The following SLC1A7 variants were observed in gnomAD, a reference collection of about 807,000 sequenced individuals.
SLC1A7 encodes the protein solute carrier family 1 member 7.
Under a neutral mutation model 47.7 loss-of-function variants are expected in SLC1A7, and 40 were observed. The observed-to-expected ratio is 0.84, with a 90% CI of 0.65 to 1.09. The LOEUF (loss-of-function observed/expected upper bound fraction) is 1.09. Ranked by LOEUF, SLC1A7 falls within the 50% of genes least tolerant of loss-of-function variation. SLC1A7 has a pLI of 0.00. For missense variants in SLC1A7, 746 were observed against 769.5 expected, an observed-to-expected ratio of 0.97 and a Z score of 0.36; for synonymous variants, 323 against 325.6, an observed-to-expected ratio of 0.99 and a Z score of 0.09.
At chr1:53,115,171 G>T (rs1572330845) in intron 2 of SLC1A7, 198 bp from the exon 3 acceptor site, 2 of 606,508 alleles carry the variant, frequency 3.3e-6, no homozygotes, top group Admixed American at 2.8e-5. Flanking sequence ...CGGGGCGCAG[G>T]CCACACACAT....
rs745920449 is a variant in SLC1A7 at position 53,092,785 on chromosome 1, T to C, written c.800A>G (p.Tyr267Cys). ...VMKIVAVAVW[Y>C]FPFGIVFLIA... Reference sequence around the variant, plus strand: ...GAGGAACACAATGCCGAAGGGGAAATACCTGGGGGCGGCGGGGCAGCCAGG... The same window carrying C: ...GAGGAACACAATGCCGAAGGGGAAACACCTGGGGGCGGCGGGGCAGCCAGG... The change falls in exon 7 of 11, where the codon TAT becomes TGT. Residue 267 changes from tyrosine to cysteine, a missense_variant and splice_region_variant. Transcript: ENST00000371494. The C allele has an allele frequency of 2.0e-5, 32 of 1,606,772 alleles. No homozygotes were observed. Among genetic ancestry groups the C allele is most frequent in the African/African-American group, 4.0e-5 (3 of 74,726 alleles).
intron 7 of SLC1A7, chr1:53,091,108 G>A (rs1178902614): frequency 1.4e-6 from 1 of 693,982 alleles, no homozygotes; most frequent in African/African-American, 1.8e-5. Context: ...CCCTGGGCCA[G>A]GCTGTCTGGG....
At chr1:53,108,675 A>G in intron 3 of SLC1A7, 1 of 717,412 alleles carries the variant, frequency 1.4e-6, no homozygotes, top group Non-Finnish European at 2.6e-6. Flanking sequence ...AGCAACCTTC[A>G]TGGACCATGA....
intron 1 of SLC1A7, among the ~76,000 whole-genome samples, chr1:53,141,143 T>C (rs1040008014): frequency 1.3e-5 from 2 of 152,156 alleles, no homozygotes; most frequent in African/African-American, 4.8e-5. Flanking sequence ...TCAGCCTGCA[T>C]AGTCCAGCTG....
At position 53,135,182 on chromosome 1, in the gene SLC1A7, C is replaced by T. The variant is rs148183150; in HGVS notation, c.136-753G>A. Among the ~76,000 whole-genome samples the T allele has an allele frequency of 9.2e-5, 14 of 152,318 alleles. No individual in the cohort carries two copies. In the East Asian group the frequency reaches 2.5e-3, roughly 27 times the overall value. On this transcript the variant is annotated intron_variant, in intron 1 of 10. Transcript: ENST00000371494. The stretch of plus-strand genomic sequence containing the variant: ...CCTAGCCATGGAATAAAATCTCTCT[C>T]GTGTAGCAGATGGCAGGTGACCAGA...
chr1:53,104,737 C>T (rs1160561207), intron 4 of SLC1A7, among the ~76,000 whole-genome samples: 1 of 152,224 alleles, frequency 6.6e-6, no homozygotes. Flanking sequence ...TCAGCCACTT[C>T]CTTTGTGTCC....
intron 1 of SLC1A7, among the ~76,000 whole-genome samples, chr1:53,135,831 A>C (rs1436830120): frequency 6.6e-6 from 1 of 152,222 alleles, no homozygotes; most frequent in Non-Finnish European, 1.5e-5. Flanking sequence ...TGGGCGAGGC[A>C]GGCAAATGGA....
intron 2 of SLC1A7, among the ~76,000 whole-genome samples, chr1:53,122,887 C>T (rs557840687): frequency 7.9e-5 from 12 of 152,174 alleles, no homozygotes; most frequent in Non-Finnish European, 1.6e-4. Flanking sequence ...ATGGACCAAA[C>T]CTCTTGGCCT....
chr1:53,096,255 A>G (rs1353721335), intron 5 of SLC1A7, among the ~76,000 whole-genome samples: 1 of 116,852 alleles, frequency 8.6e-6, no homozygotes, highest in Non-Finnish European at 1.8e-5. Context: ...CACTCAAACC[A>G]TGCATCTGTA....
At chr1:53,099,689 C>T (rs1019954453) in intron 5 of SLC1A7, among the ~76,000 whole-genome samples, 1 of 151,056 alleles carries the variant, frequency 6.6e-6, no homozygotes, top group South Asian at 2.1e-4. Context: ...ACTCACACTG[C>T]CTCGGTACAC....
chr1:53,109,221 C>A (rs1405361996), intron 3 of SLC1A7, among the ~76,000 whole-genome samples: 1 of 152,048 alleles, frequency 6.6e-6, no homozygotes, highest in Non-Finnish European at 1.5e-5. Flanking sequence ...CCAAACCAAG[C>A]CCTAAAGGTG....
At chr1:53,097,988 C>T (rs1458300565) in intron 5 of SLC1A7, among the ~76,000 whole-genome samples, 1 of 150,310 alleles carries the variant, frequency 6.7e-6, no homozygotes, top group African/African-American at 2.5e-5. Context: ...ACTCGGTACA[C>T]TCACACCACC....
Position 53,088,124 on chromosome 1 carries a change from A to T in SLC1A7, c.1568T>A (p.Leu523Gln). 1 of 1,613,044 alleles carries T rather than the reference A, an allele frequency of 6.2e-7. No homozygotes were observed. Among genetic ancestry groups the T allele is most frequent in the Non-Finnish European group, 8.5e-7 (1 of 1,179,490 alleles). The change falls in exon 11 of 11, where the codon CTG becomes CAG. Residue 523 changes from leucine (L) to glutamine (Q), a missense_variant. By Grantham distance (113) the Leu-to-Gln change is moderately radical (BLOSUM62 -2). Coordinates refer to ENST00000371494, the MANE Select transcript of SLC1A7 (RefSeq NM_006671.6). ...GACGTGGTGGGGGCAGGTGGGGCCC[A>T]GGGTGAGCTCGGAGGCCTCGGCTAC... is the stretch of plus-strand genomic sequence containing the variant. ...KSVAEASELT[L>Q]GPTCPHHVPV... is the part of the protein sequence containing the mutation.
Position 53,129,911 on chromosome 1 carries a change from G to A in SLC1A7, c.215+4439C>T, listed in dbSNP as rs1384789741. Among the ~76,000 whole-genome samples the A allele has an allele frequency of 4.2e-5, 4 of 94,610 alleles. 1 individual carries two copies. Among genetic ancestry groups the A allele is most frequent in the African/African-American group, 1.6e-4 (4 of 25,772 alleles). The allele number at this position is 94,610 out of a possible 152,430, so 62.1% of individuals were successfully genotyped here. ...CTCAGAAAAAAACAAAGATGCACAC[G>A]ACCCTGCCCACGGAGGGGGCCATGC... On this transcript the variant is annotated intron_variant, in intron 2 of 10. Transcript: ENST00000371494.
chr1:53,100,381 G>A (rs976861133), intron 5 of SLC1A7, among the ~76,000 whole-genome samples: 2 of 148,170 alleles, frequency 1.3e-5, no homozygotes, highest in East Asian at 4.1e-4. Context: ...GCCCCACCTC[G>A]GTACACTCAC....
chr1:53,092,856 C>T, intron 6 of SLC1A7, 69 bp from the exon 7 acceptor site: 1 of 1,019,264 alleles, frequency 9.8e-7, no homozygotes, highest in Non-Finnish European at 1.5e-6. Flanking sequence ...AGCCCCGCAT[C>T]GCTGCGCGGC....
intron 5 of SLC1A7, among the ~76,000 whole-genome samples, chr1:53,095,326 A>G (rs540597965): frequency 6.6e-6 from 1 of 151,756 alleles, no homozygotes; most frequent in African/African-American, 2.4e-5. Flanking sequence ...AGGGACACAG[A>G]GATGCACGTG....
intron 5 of SLC1A7, among the ~76,000 whole-genome samples, chr1:53,099,275 G>A (rs61770784): frequency 1.6e-3 from 13 of 8,228 alleles, no homozygotes; most frequent in Non-Finnish European, 2.1e-3. Context: ...CTCACATACC[G>A]TCTCGGTACA....
intron 5 of SLC1A7, among the ~76,000 whole-genome samples, chr1:53,099,039 GCCTCTGTACACTCACAACCCA>G (rs1464285503): frequency 4.2e-5 from 6 of 143,636 alleles, no homozygotes; most frequent in Admixed American, 6.9e-5. Context: ...CTCACACCCT[GCCTCTGTACACTCACAACCCA>G]CCTCTGTACA....
Sources: gnomAD v4.1 joint callset for allele counts (sites outside exome capture counted in the v4.1 genomes callset) on GRCh38, gnomAD v4.1.1 for gene constraint, MANE v1.5 for transcripts, NCBI Gene and HGNC (gene_info 2026-07-23, HGNC 2026-07-21) for gene names.